DPP6: variants seen among roughly 807,000 people sequenced by gnomAD.
The protein encoded by DPP6 is dipeptidyl peptidase like 6.
Under a neutral mutation model 122.6 loss-of-function variants are expected in DPP6, and 69 were observed. The ratio of observed to expected loss-of-function variants is 0.56; its 90% CI spans 0.46 to 0.69. DPP6 has a LOEUF of 0.69. Ranked by LOEUF, DPP6 falls within the 30% of genes least tolerant of loss-of-function variation. The pLI is 0.00. For synonymous variants in DPP6, 418 were observed against 433.1 expected (o/e 0.97, Z 0.43); for missense variants, 928 against 1,116.9 (o/e 0.83, Z 2.41).
intron 1 of DPP6, among the ~76,000 whole-genome samples, chr7:153,905,515 C>T (rs1799811671): frequency 6.6e-6 from 1 of 151,914 alleles, no homozygotes; most frequent in African/African-American, 2.4e-5. Context: ...GTGAAAGATA[C>T]AATGGGTGAG....
In DPP6 at chr7:153,948,369, TTG is replaced by T. The variant is rs1348904029; in HGVS notation, c.51+60636_51+60637del. On this transcript the variant is annotated intron_variant, in intron 1 of 25. Transcript: ENST00000404039. The stretch of plus-strand genomic sequence containing the variant: ...TGAGAGAGAGAGCACAGATTAAACT[TTG>T]GAAATGATAGTCAATGGTACATGAT... Among the ~76,000 whole-genome samples the T allele has an allele frequency of 2.0e-5, 3 of 152,178 alleles. No individual in the cohort carries two copies. The East Asian group carries it at 5.8e-4, about 29-fold the overall frequency.
At chr7:154,669,280 G>T in intron 6 of DPP6, 80 bp from the exon 7 acceptor site, 5 of 1,549,142 alleles carry the variant, frequency 3.2e-6, no homozygotes, top group Non-Finnish European at 4.4e-6. Context: ...TAAGTTATAG[G>T]TAGGGGATAA....
At chr7:154,675,326 T>C (rs894526900) in intron 7 of DPP6, among the ~76,000 whole-genome samples, 1 of 152,020 alleles carries the variant, frequency 6.6e-6, no homozygotes, top group Admixed American at 6.5e-5. Context: ...CTACACGTTG[T>C]GAACATGTAC....
intron 5 of DPP6, among the ~76,000 whole-genome samples, chr7:154,590,914 G>A (rs1256530374): frequency 1.3e-5 from 2 of 152,152 alleles, no homozygotes; most frequent in Admixed American, 6.5e-5. Flanking sequence ...TGATGGCCTC[G>A]ACAAGGAATG....
chr7:154,107,446 A>G (rs976045651), intron 1 of DPP6, among the ~76,000 whole-genome samples: 1 of 152,172 alleles, frequency 6.6e-6, no homozygotes, highest in Non-Finnish European at 1.5e-5. Context: ...AGATGTTGGT[A>G]CAAGGATATA....
At chr7:154,846,672 G>GT (rs1459414210) in intron 16 of DPP6, among the ~76,000 whole-genome samples, 1 of 152,134 alleles carries the variant, frequency 6.6e-6, no homozygotes, top group Admixed American at 6.5e-5. Context: ...CAGCAACACT[G>GT]TTTTAAGATA....
the DPP6 span, among the ~76,000 whole-genome samples, chr7:153,792,645 G>A: frequency 2.7e-5 from 4 of 150,788 alleles, no homozygotes; most frequent in Non-Finnish European, 5.9e-5. Context: ...TCACAGACTT[G>A]TTCTTAAAGT....
chr7:154,544,980 G>A (rs975594014), intron 4 of DPP6, among the ~76,000 whole-genome samples: 1 of 152,174 alleles, frequency 6.6e-6, no homozygotes, highest in Non-Finnish European at 1.5e-5. Context: ...CTTTAGTTTT[G>A]AGGTCCATCC....
At chr7:154,702,787 C>G in intron 7 of DPP6, among the ~76,000 whole-genome samples, 1 of 152,222 alleles carries the variant, frequency 6.6e-6, no homozygotes, top group Non-Finnish European at 1.5e-5. Flanking sequence ...TCAGAAGATC[C>G]AGCTAAGATC....
rs376153445 is a variant in DPP6, at chr7:154,807,108, C to T, written c.1662C>T (p.Cys554=). 348 of 1,612,548 alleles carry T rather than the reference C, an allele frequency of 2.2e-4. No homozygotes were observed. Among genetic ancestry groups the T allele is most frequent in the African/African-American group, 9.6e-4 (72 of 75,032 alleles). The change falls in exon 16 of 26, where the codon TGC becomes TGT. Residue 554 remains cysteine, a synonymous_variant. Transcript: ENST00000377770. ...SHSMDFFLLK[C]EGPGVPMVTV... ...GCATGGACTTCTTCCTGCTCAAGTG[C>T]GAAGGTCAGCTCCTGCCACCCCGTC...
At chr7:153,903,854 C>T (rs1353137837) in intron 1 of DPP6, among the ~76,000 whole-genome samples, 3 of 152,104 alleles carry the variant, frequency 2.0e-5, no homozygotes, top group Non-Finnish European at 4.4e-5. Flanking sequence ...TTCTGTATCC[C>T]AGGAAGTCAG....
chr7:154,248,193 C>T (rs1802114442), intron 1 of DPP6, among the ~76,000 whole-genome samples: 1 of 152,152 alleles, frequency 6.6e-6, no homozygotes, highest in East Asian at 1.9e-4. Context: ...TCAAAGACCC[C>T]ACCTCCAAAT....
chr7:154,645,460 C>T (rs1836403659), intron 6 of DPP6, among the ~76,000 whole-genome samples: 1 of 152,124 alleles, frequency 6.6e-6, no homozygotes, highest in Non-Finnish European at 1.5e-5. Flanking sequence ...CTTCTCCCTT[C>T]CCCTCCTGTC....
intron 1 of DPP6, among the ~76,000 whole-genome samples, chr7:153,911,288 A>G (rs1440237521): frequency 6.6e-6 from 1 of 152,174 alleles, no homozygotes; most frequent in Non-Finnish European, 1.5e-5. Context: ...ATCGTTGTCC[A>G]CACTCTGTGC....
chr7:154,786,193 A>G (rs1388542463), intron 10 of DPP6, among the ~76,000 whole-genome samples: 1 of 152,240 alleles, frequency 6.6e-6, no homozygotes, highest in Non-Finnish European at 1.5e-5. Flanking sequence ...TGAATTCTTG[A>G]ATAGCTAAAA....
At chr7:154,405,818 T>G (rs1410092567) in intron 1 of DPP6, among the ~76,000 whole-genome samples, 3 of 152,224 alleles carry the variant, frequency 2.0e-5, no homozygotes, top group African/African-American at 7.2e-5. Context: ...TGTAAAGGTT[T>G]TCCTTTTACC....
At chr7:153,944,355 G>A (rs933708321) in intron 1 of DPP6, among the ~76,000 whole-genome samples, 1 of 152,218 alleles carries the variant, frequency 6.6e-6, no homozygotes, top group African/African-American at 2.4e-5. Flanking sequence ...TGGACCTGTA[G>A]ATGGACAAAA....
At chr7:154,016,771 C>G (rs919902135) in intron 1 of DPP6, among the ~76,000 whole-genome samples, 28 of 144,894 alleles carry the variant, frequency 1.9e-4, no homozygotes, top group African/African-American at 7.8e-4. Flanking sequence ...TTCCCACCAA[C>G]AGTGCACAAG....
intron 6 of DPP6, among the ~76,000 whole-genome samples, chr7:154,647,646 G>C (rs13239249): frequency 0.12 from 18,175 of 152,168 alleles, 1,410 homozygotes; most frequent in Non-Finnish European, 0.17. Flanking sequence ...CCTTAACCGC[G>C]CATGTTTGCA....
Sources: gnomAD v4.1 joint callset for allele counts (sites outside exome capture counted in the v4.1 genomes callset) on GRCh38, gnomAD v4.1.1 for gene constraint, MANE v1.5 for transcripts, NCBI Gene and HGNC (gene_info 2026-07-23, HGNC 2026-07-21) for gene names.